Variants in FBXL17 observed in about 807,000 individuals in gnomAD.
FBXL17 encodes F-box/LRR-repeat protein 17.
Under a neutral mutation model 66.2 loss-of-function variants are expected in FBXL17, and 22 were observed. The ratio of observed to expected loss-of-function variants is 0.33; its 90% CI spans 0.24 to 0.47. The LOEUF (loss-of-function observed/expected upper bound fraction) is 0.47. Among genes scored for constraint, FBXL17 ranks in the 20% least tolerant of loss-of-function variants. The pLI is 1.00. For synonymous variants in FBXL17, 474 were observed against 400.5 expected, an observed-to-expected ratio of 1.18 and a Z score of -2.19; for missense variants, 878 against 948.2, an observed-to-expected ratio of 0.93 and a Z score of 0.97.
intron 6 of FBXL17, among the ~76,000 whole-genome samples, chr5:108,173,861 A>G (rs1752696805): frequency 6.6e-6 from 1 of 152,234 alleles, no homozygotes; most frequent in South Asian, 2.1e-4. Context: ...ACTGCTTCAT[A>G]GAGAAACAGC....
intron 4 of FBXL17, among the ~76,000 whole-genome samples, chr5:108,258,284 C>T (rs1260838687): frequency 6.6e-6 from 1 of 152,104 alleles, no homozygotes. Context: ...AAATCAAACC[C>T]TGCCAGACCT....
chr5:108,055,375 G>T (rs964315383), intron 6 of FBXL17, among the ~76,000 whole-genome samples: 23 of 147,850 alleles, frequency 1.6e-4, no homozygotes, highest in Admixed American at 1.1e-3. Context: ...TTGAGAGGCC[G>T]AGGCGGGCGG....
chr5:108,279,620 C>T (rs1757624315), intron 4 of FBXL17, among the ~76,000 whole-genome samples: 1 of 148,994 alleles, frequency 6.7e-6, no homozygotes, highest in Non-Finnish European at 1.5e-5. Flanking sequence ...AGATCTTAAC[C>T]AAAAAGAAAT....
rs1186924905 is a variant in FBXL17 at position 108,381,501 on chromosome 5, A to G, written c.191T>C (p.Ile64Thr). 2.1e-6 allele frequency: 3 copies of G among 1,395,436 alleles called. No homozygotes were observed. Among genetic ancestry groups the G allele is most frequent in the African/African-American group, 1.5e-5 (1 of 65,500 alleles). The allele number at this position is 1,395,436 out of a possible 1,614,324, so 86.4% of individuals were successfully genotyped here. Residue 64 changes from isoleucine to threonine, a missense_variant, in exon 1 of 9, where the codon ATC (isoleucine) becomes ACC (threonine). Physicochemically the swap from Ile to Thr is moderately conservative, Grantham distance 89 (BLOSUM62 -1). Coordinates refer to ENST00000542267, the MANE Select transcript of FBXL17 (RefSeq NM_001163315.3). Reference sequence around the variant, plus strand: ...GGCGGGCGCGCCGGGACTGTGCACGATGAAGCAGAGCATGCAGGGCCCGCG... The same window carrying G: ...GGCGGGCGCGCCGGGACTGTGCACGGTGAAGCAGAGCATGCAGGGCCCGCG... Reference protein sequence around the residue: ...FFRGPCMLCFIVHSPGAPAPA... With the variant: ...FFRGPCMLCFTVHSPGAPAPA...
chr5:108,316,200 A>G (rs2150208371), intron 4 of FBXL17, among the ~76,000 whole-genome samples: 1 of 151,496 alleles, frequency 6.6e-6, no homozygotes, highest in African/African-American at 2.4e-5. Context: ...TGCTTGCATG[A>G]CCCTCTAAAA....
chr5:108,212,477 T>A (rs1220404762), intron 5 of FBXL17, among the ~76,000 whole-genome samples: 2 of 152,196 alleles, frequency 1.3e-5, no homozygotes, highest in Non-Finnish European at 2.9e-5. Flanking sequence ...TTTACCTACC[T>A]TTGCTCATTG....
chr5:107,927,157 TTAAA>T (rs1393891813), intron 7 of FBXL17, among the ~76,000 whole-genome samples: 1 of 152,174 alleles, frequency 6.6e-6, no homozygotes, highest in African/African-American at 2.4e-5. Flanking sequence ...TCAATTTCTC[TTAAA>T]TATTTAAAAT....
chr5:108,314,159 C>A (rs1190902816), intron 4 of FBXL17, among the ~76,000 whole-genome samples: 1 of 151,630 alleles, frequency 6.6e-6, no homozygotes, highest in African/African-American at 2.4e-5. Context: ...CATTTTAATA[C>A]TACCAATATT....
chr5:108,165,446 T>C (rs1307855448), intron 6 of FBXL17, among the ~76,000 whole-genome samples: 1 of 152,094 alleles, frequency 6.6e-6, no homozygotes, highest in Non-Finnish European at 1.5e-5. Flanking sequence ...CAAAGGACCA[T>C]AAAAGAAATA....
intron 4 of FBXL17, 34 bp from the exon 5 acceptor site, chr5:108,224,262 T>C (rs1754996957): frequency 7.7e-7 from 1 of 1,306,906 alleles, no homozygotes; most frequent in African/African-American, 1.5e-5. Flanking sequence ...TTATTCAAGG[T>C]AATAGTCCAG....
At chr5:108,372,410 G>T (rs1375018800) in intron 1 of FBXL17, among the ~76,000 whole-genome samples, 1 of 152,148 alleles carries the variant, frequency 6.6e-6, no homozygotes, top group African/African-American at 2.4e-5. Flanking sequence ...TGAAAGGCAT[G>T]AATCTAGCTC....
chr5:108,367,799 A>C, intron 2 of FBXL17, 32 bp downstream of exon 2: 2 of 1,533,724 alleles, frequency 1.3e-6, no homozygotes, highest in Non-Finnish European at 1.8e-6. Context: ...TGAGTAGGTC[A>C]TATGAGTGTT....
At position 108,026,890 on chromosome 5, in the gene FBXL17, A is replaced by T. The variant is rs565826257; in HGVS notation, c.1746-5889T>A. Among the ~76,000 whole-genome samples, 17 of 152,278 alleles carry T rather than the reference A, an allele frequency of 1.1e-4. No individual in the cohort carries two copies. The South Asian group carries it at 3.3e-3, about 30-fold the overall frequency. ...TCACAAGAGGTGGCCTACAAACTGA[A>T]ATGTTATTAAAACTTAAGTACTACG... On this transcript the variant is annotated intron_variant, in intron 6 of 8. Transcript: ENST00000542267.
intron 8 of FBXL17, chr5:107,880,007 A>G (rs1748732741): frequency 1.6e-6 from 1 of 640,144 alleles, no homozygotes; most frequent in African/African-American, 2.0e-5. Context: ...GACTTGTTAT[A>G]GGTAAAACAT....
intron 6 of FBXL17, among the ~76,000 whole-genome samples, chr5:108,131,631 A>G (rs1750936204): frequency 6.6e-6 from 1 of 152,266 alleles, no homozygotes; most frequent in South Asian, 2.1e-4. Context: ...CCACTTTTTC[A>G]TCAAAACACA....
intron 7 of FBXL17, among the ~76,000 whole-genome samples, chr5:107,973,943 T>G (rs756047304): frequency 2.6e-5 from 4 of 152,154 alleles, no homozygotes; most frequent in Non-Finnish European, 5.9e-5. Context: ...GCTGAATTAA[T>G]GTGATACTAA....
chr5:107,988,288 T>C (rs148880456), intron 7 of FBXL17, among the ~76,000 whole-genome samples: 153 of 152,062 alleles, frequency 1.0e-3, no homozygotes, highest in Admixed American at 1.7e-3. Context: ...TCATTACCAC[T>C]TTTTTTCTAC....
chr5:108,300,333 T>C (rs1758531522), intron 4 of FBXL17, among the ~76,000 whole-genome samples: 1 of 151,940 alleles, frequency 6.6e-6, no homozygotes, highest in Non-Finnish European at 1.5e-5. Context: ...ACTCAAACTT[T>C]TTCTACTTCT....
At chr5:107,989,519 T>C (rs1469863488) in intron 7 of FBXL17, among the ~76,000 whole-genome samples, 3 of 152,180 alleles carry the variant, frequency 2.0e-5, no homozygotes, top group African/African-American at 7.2e-5. Context: ...ATATGCACCA[T>C]GCCTTCATCC....
Sources: allele counts gnomAD v4.1 joint callset (sites outside exome capture counted in the v4.1 genomes callset), GRCh38; gene constraint gnomAD v4.1.1; transcripts MANE v1.5; gene names NCBI Gene and HGNC (gene_info 2026-07-23, HGNC 2026-07-21).